Variants in LARS2 observed in about 807,000 individuals in gnomAD.
LARS2 encodes leucyl-tRNA synthetase 2, mitochondrial, also known as leucine--tRNA ligase, mitochondrial.
LARS2 carries 81 observed loss-of-function variants against 116.6 expected under a neutral mutation model. That is an observed-to-expected ratio of 0.69 (90% confidence interval 0.58 to 0.84). The LOEUF is 0.84. Ranked by LOEUF, LARS2 falls within the 40% of genes least tolerant of loss-of-function variation. The pLI, the probability that LARS2 is intolerant of heterozygous loss-of-function variation, is 0.00. For synonymous variants in LARS2, 396 were observed against 407.2 expected, an observed-to-expected ratio of 0.97 and a Z score of 0.33; for missense variants, 968 against 1,114.5, an observed-to-expected ratio of 0.87 and a Z score of 1.87.
intron 7 of LARS2, among the ~76,000 whole-genome samples, chr3:45,452,807 T>G (rs939076930): frequency 2.6e-5 from 4 of 152,192 alleles, no homozygotes; most frequent in African/African-American, 7.2e-5. Flanking sequence ...GGTCCTGATC[T>G]TTTCTTTGAT....
chr3:45,407,881 C>A (rs9830462), intron 4 of LARS2, among the ~76,000 whole-genome samples: 1 of 152,162 alleles, frequency 6.6e-6, no homozygotes, highest in African/African-American at 2.4e-5. Context: ...TCCCTTCCAT[C>A]GCCAAACTCT....
chr3:45,474,124 T>C, intron 8 of LARS2, 119 bp from the exon 9 acceptor site: 1 of 580,936 alleles, frequency 1.7e-6, no homozygotes, highest in South Asian at 2.6e-5. Flanking sequence ...AGGAGAGAGC[T>C]AAATCCTGGA....
At chr3:45,542,304 G>A (rs553213291) in intron 21 of LARS2, among the ~76,000 whole-genome samples, 2 of 152,282 alleles carry the variant, frequency 1.3e-5, no homozygotes, top group African/African-American at 2.4e-5. Flanking sequence ...GTATGCTCCT[G>A]GGGACTTTTG....
intron 20 of LARS2, among the ~76,000 whole-genome samples, chr3:45,537,939 C>T (rs1700733030): frequency 6.6e-6 from 1 of 152,204 alleles, no homozygotes; most frequent in Non-Finnish European, 1.5e-5. Flanking sequence ...TGGGCCATAG[C>T]CGACCTTGTC....
At chr3:45,414,731 T>TAA (rs879609697) in intron 4 of LARS2, among the ~76,000 whole-genome samples, 3 of 142,764 alleles carry the variant, frequency 2.1e-5, no homozygotes, top group Non-Finnish European at 4.6e-5. Flanking sequence ...CCCTGTCTCT[T>TAA]AAAAAAAAAA....
At chr3:45,389,659 A>C (rs568565964) in intron 1 of LARS2, among the ~76,000 whole-genome samples, 18 of 152,222 alleles carry the variant, frequency 1.2e-4, no homozygotes, top group Non-Finnish European at 1.9e-4. Context: ...AGAAGAGAAG[A>C]GTCTTCTTAT....
intron 18 of LARS2, chr3:45,519,899 C>T (rs1700426547): frequency 4.6e-6 from 1 of 217,338 alleles, no homozygotes; most frequent in Non-Finnish European, 9.3e-6. Flanking sequence ...CCACCCACCT[C>T]GGCCTTCCAA....
At chr3:45,398,958 C>A (rs1476744985) in intron 3 of LARS2, among the ~76,000 whole-genome samples, 1 of 152,194 alleles carries the variant, frequency 6.6e-6, no homozygotes, top group East Asian at 1.9e-4. Context: ...TGACGACATT[C>A]ATCATTTTAC....
rs541218511 is a variant in LARS2, at chr3:45,404,252, T to A, written c.363+3879T>A. Among the ~76,000 whole-genome samples the A allele has an allele frequency of 2.6e-5, 4 of 152,346 alleles. No individual in the cohort carries two copies. In the South Asian group the frequency reaches 6.2e-4, roughly 24 times the overall value. On this transcript the variant is annotated intron_variant, in intron 4 of 21. Coordinates refer to ENST00000645846, the MANE Select transcript of LARS2 (RefSeq NM_015340.4). Reference sequence around the variant, plus strand: ...AAGATAGCAAGCCCTCTTTTCAGGGTGTTCTCTAGGTTCTCCTGAAATTAA... The same window carrying A: ...AAGATAGCAAGCCCTCTTTTCAGGGAGTTCTCTAGGTTCTCCTGAAATTAA...
rs769530594 is a variant in LARS2 at position 45,520,295 on chromosome 3, C to T, written c.2291C>T (p.Ser764Leu). 7.4e-6 allele frequency: 12 copies of T among 1,611,236 alleles called. No homozygotes were observed. The highest frequency in any genetic ancestry group is 1.7e-5 in the Admixed American group (1 of 59,978). Residue 764 changes from serine (S) to leucine (L), a missense_variant and splice_region_variant, in exon 19 of 22, where the codon TCG becomes TTG. Ser to Leu is a moderately radical substitution (Grantham distance 145). Transcript: ENST00000645846. ...SQLMGLSNAL[S>L]QASQSVILHS... ...CTGATGGGACTCAGCAATGCCCTCT[C>T]GGTAAGTGGCCTGTCCTCATTTGCT... is the stretch of plus-strand genomic sequence containing the variant.
intron 19 of LARS2, 127 bp downstream of exon 19, chr3:45,520,423 A>G (rs2125756432): frequency 1.6e-6 from 1 of 641,176 alleles, no homozygotes; most frequent in Non-Finnish European, 2.8e-6. Context: ...TGGCTTGATT[A>G]TCTTAAGGAA....
intron 12 of LARS2, 43 bp downstream of exon 12, chr3:45,488,855 C>A: frequency 4.1e-6 from 5 of 1,217,270 alleles, no homozygotes; most frequent in South Asian, 1.2e-5. Context: ...CACCTTGATA[C>A]GACTTTGATA....
At chr3:45,426,796 T>TGC (rs879393836) in intron 6 of LARS2, among the ~76,000 whole-genome samples, 5 of 152,166 alleles carry the variant, frequency 3.3e-5, no homozygotes, top group Non-Finnish European at 5.9e-5. Flanking sequence ...GCCCAGCAAA[T>TGC]GTAGCTCTTC....
rs1046568044 is a variant in LARS2, at chr3:45,516,381, T to C, written c.2044+105T>C. 8.7e-6 allele frequency: 10 copies of C among 1,148,960 alleles called. No homozygotes were observed. The African/African-American group carries it at 1.5e-4, about 18-fold the overall frequency. 71.2% of individuals were successfully genotyped at this position (1,148,960 alleles called of 1,614,324 possible). On this transcript the variant is annotated intron_variant, in intron 17 of 21. Transcript: ENST00000645846. ...TTTGCTGAAGACAGTGGTAGAGAATTCTAGGAATCAGTTCCATAGAGCAAG... is the reference window on the plus strand; with the variant it reads ...TTTGCTGAAGACAGTGGTAGAGAATCCTAGGAATCAGTTCCATAGAGCAAG...
rs751011983 is a variant in LARS2 at position 45,394,576 on chromosome 3, C to T, written c.123C>T (p.Tyr41=). Reference sequence around the variant, plus strand: ...TTCCCGGATGTACCAGAAGCATCTACAGTGCCACGGGAAAGTGGACAAAAG... The same window carrying T: ...TTCCCGGATGTACCAGAAGCATCTATAGTGCCACGGGAAAGTGGACAAAAG... ...RVIPGCTRSI[Y]SATGKWTKEY... Residue 41 remains tyrosine, a synonymous_variant, in exon 3 of 22, where the codon TAC becomes TAT. Coordinates refer to ENST00000645846, the MANE Select transcript of LARS2 (RefSeq NM_015340.4). The T allele has an allele frequency of 6.2e-7, 1 of 1,613,966 alleles. No homozygotes were observed. Among genetic ancestry groups the T allele is most frequent in the Admixed American group, 1.7e-5 (1 of 60,026 alleles).
intron 15 of LARS2, among the ~76,000 whole-genome samples, chr3:45,501,709 G>C (rs567580896): frequency 3.3e-5 from 5 of 152,136 alleles, no homozygotes; most frequent in Non-Finnish European, 7.3e-5. Context: ...AGAATTGCTC[G>C]ATTGTAGGAT....
chr3:45,454,970 A>G (rs1213801850), intron 7 of LARS2, among the ~76,000 whole-genome samples: 2 of 152,150 alleles, frequency 1.3e-5, no homozygotes. Flanking sequence ...CTGAGCCTGA[A>G]TCTGCAACTC....
At chr3:45,476,064 CTT>C (rs66954282) in intron 9 of LARS2, among the ~76,000 whole-genome samples, 114,769 of 146,918 alleles carry the variant, frequency 0.78, 48,623 homozygotes, top group East Asian at 0.94. Context: ...AAGTAGATGC[CTT>C]TTTTTTTTTT....
rs1326769577 is a variant in LARS2 at position 45,547,754 on chromosome 3, G to A, written c.*224G>A. Reference sequence around the variant, plus strand: ...AGGAGAAATATGAGCTACTGAGGAGGGGGTTGGACATCCTGCCCCTCACCC... The same window carrying A: ...AGGAGAAATATGAGCTACTGAGGAGAGGGTTGGACATCCTGCCCCTCACCC... On this transcript the variant is annotated 3_prime_UTR_variant, in exon 22 of 22. Transcript: ENST00000645846. The A allele has an allele frequency of 2.2e-6, 1 of 460,316 alleles. No individual in the cohort carries two copies. Among genetic ancestry groups the A allele is most frequent in the African/African-American group, 2.0e-5 (1 of 49,544 alleles). 28.5% of individuals were successfully genotyped at this position (460,316 alleles called of 1,614,324 possible). A position where few individuals can be genotyped will look rare whatever the true frequency, so the allele number is the denominator to read the frequency against.
Sources: allele counts gnomAD v4.1 joint callset (sites outside exome capture counted in the v4.1 genomes callset), GRCh38; gene constraint gnomAD v4.1.1; transcripts MANE v1.5; gene names NCBI Gene and HGNC (gene_info 2026-07-23, HGNC 2026-07-21).